Variants in TRIM37 observed in about 807,000 individuals in gnomAD.
The protein encoded by TRIM37 is tripartite motif containing 37.
A neutral mutation model predicts 129.8 loss-of-function variants in TRIM37; 80 were observed. The ratio of observed to expected loss-of-function variants is 0.62; its 90% CI spans 0.51 to 0.74. The LOEUF (loss-of-function observed/expected upper bound fraction) is 0.74, where lower values mean the gene tolerates loss of function less well. TRIM37 is among the 30% of genes least tolerant of loss of function. TRIM37 has a pLI of 0.00. For synonymous variants in TRIM37, 389 were observed against 387.1 expected (o/e 1.00, Z -0.06); for missense variants, 1,054 against 1,176.5 (o/e 0.90, Z 1.52).
At chr17:59,020,347 T>C (rs1486091013) in intron 19 of TRIM37, among the ~76,000 whole-genome samples, 1 of 142,052 alleles carries the variant, frequency 7.0e-6, no homozygotes, top group African/African-American at 2.7e-5. Flanking sequence ...TTTGAGGAGA[T>C]GAACAAAATT....
At chr17:58,990,657 G>A (rs1210964384) in intron 24 of TRIM37, among the ~76,000 whole-genome samples, 2 of 151,432 alleles carry the variant, frequency 1.3e-5, no homozygotes, top group Non-Finnish European at 2.9e-5. Flanking sequence ...TGGGTGTGGT[G>A]GTGCGCACCT....
chr17:59,094,625 C>A (rs1022344121), intron 2 of TRIM37, among the ~76,000 whole-genome samples: 28 of 150,698 alleles, frequency 1.9e-4, no homozygotes, highest in Non-Finnish European at 3.5e-4. Flanking sequence ...AAAAAAAAAA[C>A]AAACTGGCTG....
chr17:59,051,450 C>G, intron 13 of TRIM37, 122 bp from the exon 14 acceptor site: 1 of 719,054 alleles, frequency 1.4e-6, no homozygotes, highest in Non-Finnish European at 2.5e-6. Flanking sequence ...AAACTTAGAG[C>G]TGCTAGTATT....
the TRIM37 span, among the ~76,000 whole-genome samples, chr17:58,972,646 C>T: frequency 1.3e-5 from 2 of 152,166 alleles, no homozygotes; most frequent in East Asian, 3.9e-4. Context: ...CCACCGCGCC[C>T]GGCCAGGATT....
intron 17 of TRIM37, among the ~76,000 whole-genome samples, chr17:59,035,481 C>T (rs1256183973): frequency 6.6e-6 from 1 of 151,700 alleles, no homozygotes; most frequent in African/African-American, 2.4e-5. Context: ...CAGCCAGGCG[C>T]GGTGGTTCAC....
chr17:58,967,258 T>C, the TRIM37 span, among the ~76,000 whole-genome samples: 1 of 152,200 alleles, frequency 6.6e-6, no homozygotes, highest in Non-Finnish European at 1.5e-5. Flanking sequence ...AGAAAAGTCT[T>C]AGGCATGTGT....
chr17:59,091,191 C>T (rs1018787208), intron 3 of TRIM37, 109 bp downstream of exon 3: 9 of 616,146 alleles, frequency 1.5e-5, no homozygotes, highest in South Asian at 1.2e-4. Flanking sequence ...ACTATCTTCA[C>T]GAAGAAGAGA....
rs747444897 is a variant in TRIM37, at chr17:58,999,171, T to C, written c.*206A>G. The C allele has an allele frequency of 5.7e-6, 8 of 1,409,328 alleles. No homozygotes were observed. The highest frequency in any genetic ancestry group is 7.4e-6 in the Non-Finnish European group (8 of 1,084,834). The allele number at this position is 1,409,328 out of a possible 1,614,324, so 87.3% of individuals were successfully genotyped here. On this transcript the variant is annotated 3_prime_UTR_variant, in exon 24 of 24. Transcript: ENST00000262294. ...GTTATTTCCTTACATTACAAAGAAC[T>C]CTTCCCATACTGTTTTTCCCATGTA...
At chr17:59,007,751 T>C (rs1325637789) in intron 22 of TRIM37, among the ~76,000 whole-genome samples, 6 of 152,204 alleles carry the variant, frequency 3.9e-5, no homozygotes, top group Admixed American at 6.5e-5. Context: ...GGCCTATTTA[T>C]GTTCATATCT....
intron 2 of TRIM37, among the ~76,000 whole-genome samples, chr17:59,098,403 C>T (rs562249297): frequency 6.6e-6 from 1 of 152,264 alleles, no homozygotes; most frequent in Non-Finnish European, 1.5e-5. Flanking sequence ...AAGTGGCTCA[C>T]ATCTGTAATC....
downstream of TRIM37, among the ~76,000 whole-genome samples, chr17:58,997,687 C>T (rs938598585): frequency 6.6e-6 from 1 of 152,032 alleles, no homozygotes; most frequent in African/African-American, 2.4e-5. Flanking sequence ...AAGGTAACAG[C>T]AGACTGTTCT....
intron 1 of TRIM37, among the ~76,000 whole-genome samples, chr17:59,106,205 A>G (rs2045973196): frequency 6.6e-6 from 1 of 152,212 alleles, no homozygotes; most frequent in African/African-American, 2.4e-5. Flanking sequence ...ACCTGTGCCA[A>G]GACATCCTTG....
chr17:59,101,812 G>A (rs1223769985), intron 2 of TRIM37, among the ~76,000 whole-genome samples: 1 of 149,406 alleles, frequency 6.7e-6, no homozygotes, highest in Non-Finnish European at 1.5e-5. Context: ...CATGGAGTGC[G>A]CTGATACTCC....
At chr17:59,100,066 C>CT (rs1299411716) in intron 2 of TRIM37, among the ~76,000 whole-genome samples, 2 of 151,724 alleles carry the variant, frequency 1.3e-5, no homozygotes, top group African/African-American at 4.8e-5. Flanking sequence ...CCTCCCAATC[C>CT]TTTTTTTAAT....
At chr17:59,022,713 G>A (rs2036751570) in intron 19 of TRIM37, among the ~76,000 whole-genome samples, 1 of 151,928 alleles carries the variant, frequency 6.6e-6, no homozygotes, top group African/African-American at 2.4e-5. Flanking sequence ...AGCCATTATT[G>A]GTATTGTTGT....
chr17:58,981,081 A>C, downstream of TRIM37: 1 of 1,285,826 alleles, frequency 7.8e-7, no homozygotes, highest in Non-Finnish European at 1.1e-6. Context: ...AAATACCACT[A>C]TCAGAGTAGA....
chr17:59,011,355 A>C (rs867729184), intron 22 of TRIM37, among the ~76,000 whole-genome samples: 10 of 152,212 alleles, frequency 6.6e-5, no homozygotes, highest in African/African-American at 1.7e-4. Context: ...TAAGAAAACC[A>C]AAATATTTAG....
chr17:59,090,339 A>G (rs944602681), intron 3 of TRIM37, among the ~76,000 whole-genome samples: 7 of 152,152 alleles, frequency 4.6e-5, no homozygotes, highest in Non-Finnish European at 7.3e-5. Flanking sequence ...CTGCAAAACA[A>G]TATTATATCA....
chr17:58,986,281 C>G (rs915009657), intron 24 of TRIM37, among the ~76,000 whole-genome samples: 2 of 152,026 alleles, frequency 1.3e-5, no homozygotes, highest in African/African-American at 2.4e-5. Flanking sequence ...TCACCACAAC[C>G]TCTGCCTCCC....
Sources: gnomAD v4.1 joint callset for allele counts (sites outside exome capture counted in the v4.1 genomes callset) on GRCh38, gnomAD v4.1.1 for gene constraint, MANE v1.5 for transcripts, NCBI Gene and HGNC (gene_info 2026-07-23, HGNC 2026-07-21) for gene names.